The following IFT80 variants were observed in gnomAD, a reference collection of about 807,000 sequenced individuals.
IFT80 encodes intraflagellar transport 80.
IFT80 carries 79 observed loss-of-function variants against 107.9 expected under a neutral mutation model. The observed-to-expected ratio is 0.73, with a 90% confidence interval of 0.61 to 0.88. The LOEUF is 0.88. Ranked by LOEUF, IFT80 falls within the 40% of genes least tolerant of loss-of-function variation. IFT80 has a pLI of 0.00. For missense variants in IFT80, 797 were observed against 914.2 expected (o/e 0.87, Z 1.65); for synonymous variants, 299 against 300.9 (o/e 0.99, Z 0.07).
chr3:160,396,891 G>C (rs1713821015), intron 1 of IFT80, among the ~76,000 whole-genome samples: 2 of 152,066 alleles, frequency 1.3e-5, no homozygotes, highest in Admixed American at 6.5e-5. Flanking sequence ...TAAATCTCCA[G>C]ATTTAAGTCT....
chr3:160,334,355 T>C (rs1559945681), intron 8 of IFT80, among the ~76,000 whole-genome samples: 1 of 152,012 alleles, frequency 6.6e-6, no homozygotes, highest in African/African-American at 2.4e-5. Flanking sequence ...AATGGGTAAA[T>C]AGGGGTTTGT....
At chr3:160,279,066 T>C in intron 16 of IFT80, 127 bp downstream of exon 16, 2 of 709,526 alleles carry the variant, frequency 2.8e-6, no homozygotes. Context: ...ATGTCTTTAC[T>C]TATAAAAAAA....
At chr3:160,277,159 A>C in intron 18 of IFT80, 147 bp downstream of exon 18, 2 of 739,804 alleles carry the variant, frequency 2.7e-6, no homozygotes, top group Middle Eastern at 3.8e-4. Flanking sequence ...ATAAATTGTA[A>C]ACTATTCACA....
rs1316058328 is a variant in IFT80 at position 160,277,227 on chromosome 3, T to C, written c.2099+79A>G. The C allele has an allele frequency of 4.1e-6, 5 of 1,211,992 alleles. No individual in the cohort carries two copies. The African/African-American group carries it at 4.5e-5, about 11-fold the overall frequency. The allele number at this position is 1,211,992 out of a possible 1,614,324, so 75.1% of individuals were successfully genotyped here. On this transcript the variant is annotated intron_variant, in intron 18 of 19. Coordinates refer to ENST00000326448, the MANE Select transcript of IFT80 (RefSeq NM_020800.3). The stretch of plus-strand genomic sequence containing the variant: ...TAAGAAACTAAAATATAGTGGAAAA[T>C]GTAATTTACTAAGTGGTAGATGGAA...
At chr3:160,289,997 AG>A (rs1320301986) in intron 12 of IFT80, among the ~76,000 whole-genome samples, 1 of 152,142 alleles carries the variant, frequency 6.6e-6, no homozygotes, top group Admixed American at 6.5e-5. Flanking sequence ...TTAAGGTGAA[AG>A]TTTGAATGAA....
At chr3:160,331,445 A>T (rs985788758) in intron 8 of IFT80, among the ~76,000 whole-genome samples, 31 of 152,210 alleles carry the variant, frequency 2.0e-4, no homozygotes, top group African/African-American at 7.5e-4. Context: ...GTAACTGAAA[A>T]ATCATGAAAG....
intron 2 of IFT80, among the ~76,000 whole-genome samples, chr3:160,382,611 A>G (rs1039349524): frequency 2.0e-5 from 3 of 152,180 alleles, no homozygotes; most frequent in African/African-American, 7.2e-5. Flanking sequence ...TGTTATTTAC[A>G]AAGGATGTTT....
At chr3:160,260,387 G>A (rs981544885) in intron 19 of IFT80, among the ~76,000 whole-genome samples, 3 of 152,162 alleles carry the variant, frequency 2.0e-5, no homozygotes, top group Non-Finnish European at 4.4e-5. Flanking sequence ...GACGAAACTT[G>A]ATGGATGCTT....
intron 2 of IFT80, chr3:160,383,566 A>AAT: frequency 1.2e-5 from 10 of 808,952 alleles, no homozygotes; most frequent in Non-Finnish European, 1.2e-5. Flanking sequence ...AAAATATTAG[A>AAT]AAAATTGGAC....
intron 8 of IFT80, among the ~76,000 whole-genome samples, chr3:160,330,793 T>C (rs1405956720): frequency 1.3e-5 from 2 of 152,132 alleles, no homozygotes; most frequent in East Asian, 3.9e-4. Context: ...CTAATTCTCA[T>C]CTCCTCTGTA....
At chr3:160,331,212 C>T (rs777498465) in intron 8 of IFT80, among the ~76,000 whole-genome samples, 1 of 152,154 alleles carries the variant, frequency 6.6e-6, no homozygotes, top group East Asian at 1.9e-4. Flanking sequence ...CCCTGAAATA[C>T]TGTGACAGTT....
intron 12 of IFT80, among the ~76,000 whole-genome samples, chr3:160,295,437 T>C (rs1715897557): frequency 6.6e-6 from 1 of 151,072 alleles, no homozygotes; most frequent in African/African-American, 2.5e-5. Flanking sequence ...AGCCATTGTC[T>C]CTATTAAAAA....
At chr3:160,292,269 C>T (rs1344495926) in intron 12 of IFT80, among the ~76,000 whole-genome samples, 1 of 152,212 alleles carries the variant, frequency 6.6e-6, no homozygotes, top group African/African-American at 2.4e-5. Flanking sequence ...GACCAAGGAA[C>T]ATACCTTACA....
intron 12 of IFT80, chr3:160,299,092 C>T: frequency 1.0e-6 from 1 of 989,928 alleles, no homozygotes; most frequent in Non-Finnish European, 1.2e-6. Flanking sequence ...CAGGGACTTT[C>T]AATCTTAAGT....
At chr3:160,310,003 A>C (rs1409995287) in intron 9 of IFT80, among the ~76,000 whole-genome samples, 1 of 152,156 alleles carries the variant, frequency 6.6e-6, no homozygotes, top group Non-Finnish European at 1.5e-5. Flanking sequence ...TCGGTCAAAA[A>C]CAAAAGCATT....
chr3:160,389,110 G>C (rs1713162804), intron 1 of IFT80, among the ~76,000 whole-genome samples: 1 of 152,076 alleles, frequency 6.6e-6, no homozygotes, highest in Non-Finnish European at 1.5e-5. Context: ...TAATACATGG[G>C]CCTTAATGGG....
intron 12 of IFT80, among the ~76,000 whole-genome samples, chr3:160,290,993 A>C (rs1398358596): frequency 6.6e-6 from 1 of 152,232 alleles, no homozygotes; most frequent in Non-Finnish European, 1.5e-5. Flanking sequence ...CCACCCTTTA[A>C]GCAATATTAA....
In IFT80 at chr3:160,266,313, T is replaced by G. The variant is rs74699864; in HGVS notation, c.2223+2100A>C. Among the ~76,000 whole-genome samples, 698 of 151,398 alleles carry G rather than the reference T, an allele frequency of 4.6e-3. 4 individuals are homozygous for G. Among genetic ancestry groups the G allele is most frequent in the African/African-American group, 0.016 (650 of 41,232 alleles). Reference sequence around the variant, plus strand: ...GCTATCTAAAATATAATTTTCTTCATAGTAAGGACTTTCTTTTCTTTCTCC... The same window carrying G: ...GCTATCTAAAATATAATTTTCTTCAGAGTAAGGACTTTCTTTTCTTTCTCC... On this transcript the variant is annotated intron_variant, in intron 19 of 19. Transcript: ENST00000326448.
chr3:160,387,373 G>A (rs62272203), intron 1 of IFT80, among the ~76,000 whole-genome samples: 9 of 152,010 alleles, frequency 5.9e-5, no homozygotes, highest in African/African-American at 2.2e-4. Context: ...GTGTGGTGGC[G>A]CATGCCTGTA....
Sources: allele counts gnomAD v4.1 joint callset (sites outside exome capture counted in the v4.1 genomes callset), GRCh38; gene constraint gnomAD v4.1.1; transcripts MANE v1.5; gene names NCBI Gene and HGNC (gene_info 2026-07-23, HGNC 2026-07-21).